The following ANKRD62 variants were observed in gnomAD, a reference collection of about 807,000 sequenced individuals.
The protein encoded by ANKRD62 is ankyrin repeat domain-containing protein 62.
A neutral mutation model predicts 98.8 loss-of-function variants in ANKRD62; 61 were observed. That is an observed-to-expected ratio of 0.62 (90% CI 0.50 to 0.76). The LOEUF (loss-of-function observed/expected upper bound fraction) is 0.76, where lower values mean the gene tolerates loss of function less well. Among genes scored for constraint, ANKRD62 ranks in the 30% least tolerant of loss-of-function variants. The pLI is 0.00. For missense variants in ANKRD62, 933 were observed against 1,082.9 expected (o/e 0.86, Z 1.94); for synonymous variants, 341 against 367.9 (o/e 0.93, Z 0.84).
At position 12,095,512 on chromosome 18, in the gene ANKRD62, T is replaced by C; in HGVS notation, c.409T>C (p.Tyr137His). 1.9e-6 allele frequency: 3 copies of C among 1,569,614 alleles called. No homozygotes were observed. The highest frequency in any genetic ancestry group is 2.6e-6 in the Non-Finnish European group (3 of 1,163,652). Residue 137 changes from tyrosine (Y) to histidine (H), a missense_variant, in exon 3 of 14, where the codon TAT becomes CAT. Around this residue, in one of 3 missense-constraint regions of ANKRD62, gnomAD observed 549 missense variants for 587.9 expected, o/e 0.93. Coordinates refer to ENST00000587848, the MANE Select transcript of ANKRD62 (RefSeq NM_001277333.2). ...HGANPNVRDMYGNTALHYAID... is the reference protein window; with the variant it reads ...HGANPNVRDMHGNTALHYAID... ...CGCCAACCCAAATGTTAGAGATATGTATGGCAACACTGCTCTGCACTATGC... is the reference window on the plus strand; with the variant it reads ...CGCCAACCCAAATGTTAGAGATATGCATGGCAACACTGCTCTGCACTATGC...
At chr18:12,108,110 C>T (rs1909455491) in intron 8 of ANKRD62, among the ~76,000 whole-genome samples, 1 of 152,116 alleles carries the variant, frequency 6.6e-6, no homozygotes, top group South Asian at 2.1e-4. Context: ...CTATGCAACC[C>T]TCTTATAAAA....
intron 11 of ANKRD62, 121 bp from the exon 12 acceptor site, chr18:12,124,016 A>C: frequency 5.7e-6 from 3 of 524,588 alleles, no homozygotes; most frequent in Non-Finnish European, 9.5e-6. Context: ...CGAAGTGAGA[A>C]ATTAACATGC....
chr18:12,168,347 A>G, the ANKRD62 span, among the ~76,000 whole-genome samples: 1 of 152,056 alleles, frequency 6.6e-6, no homozygotes, highest in African/African-American at 2.4e-5. Context: ...TCAGCTTTCT[A>G]CATATGGCTA....
rs184235780 is a variant in ANKRD62, at chr18:12,100,150, C to A, written c.820+468C>A. 6.9e-3 allele frequency among the ~76,000 whole-genome samples: 1,044 copies of A among 152,146 alleles called. 4 individuals are homozygous for A. Among genetic ancestry groups the A allele is most frequent in the South Asian group, 0.017 (82 of 4,828 alleles). ...TGAAATCTGTATATAACTCTGGACT[C>A]CCCCCTAAAACTTAACTACTCATGA... On this transcript the variant is annotated intron_variant, in intron 6 of 13. Coordinates refer to ENST00000587848, the MANE Select transcript of ANKRD62 (RefSeq NM_001277333.2).
chr18:12,110,112 G>C (rs75313378), intron 8 of ANKRD62, among the ~76,000 whole-genome samples: 31,639 of 152,138 alleles, frequency 0.21, 4,246 homozygotes, highest in East Asian at 0.54. Context: ...CCTTTGAAAA[G>C]TATGCACCAC....
the ANKRD62 span, among the ~76,000 whole-genome samples, chr18:12,172,960 C>T: frequency 2.3e-3 from 346 of 152,280 alleles, 1 homozygote; most frequent in African/African-American, 7.7e-3. Flanking sequence ...ATAGGAAAAG[C>T]GCAGTATTAG....
intron 2 of ANKRD62, 56 bp from the exon 3 acceptor site, chr18:12,095,381 A>T: frequency 6.5e-7 from 1 of 1,537,698 alleles, no homozygotes; most frequent in Non-Finnish European, 8.7e-7. Flanking sequence ...TAGTTGGTGA[A>T]TCCTGTGGAA....
chr18:12,168,048 G>T, the ANKRD62 span, among the ~76,000 whole-genome samples: 78 of 152,208 alleles, frequency 5.1e-4, no homozygotes, highest in Non-Finnish European at 8.7e-4. Context: ...TTTGTCCAAT[G>T]GGTAGATTGC....
chr18:12,095,547 T>C lies in ANKRD62; in HGVS notation c.444T>C (p.Asn148=). 8 of 1,549,956 alleles carry C rather than the reference T, an allele frequency of 5.2e-6. No individual in the cohort carries two copies. Among genetic ancestry groups the C allele is most frequent in the Non-Finnish European group, 6.9e-6 (8 of 1,153,638 alleles). The change falls in exon 3 of 14, where the codon AAT becomes AAC. Residue 148 remains asparagine, a synonymous_variant. Coordinates refer to ENST00000587848, the MANE Select transcript of ANKRD62 (RefSeq NM_001277333.2). ...CTGCTCTGCACTATGCCATTGATAA[T>C]GAGAATATATCAATGGCAAGAAAAC... The part of the protein sequence containing the change: ...GNTALHYAID[N]ENISMARKLL...
chr18:12,107,297 TGAA>T lies in ANKRD62; in HGVS notation c.898_900del (p.Glu300del). 6.7e-7 allele frequency: 1 copy of T among 1,486,686 alleles called. No homozygotes were observed. The highest frequency in any genetic ancestry group is 8.9e-7 in the Non-Finnish European group (1 of 1,125,818). The allele number at this position is 1,486,686 out of a possible 1,614,324, so 92.1% of individuals were successfully genotyped here. ...TCAGTATGAAACTTTCATTGAAGGTTGAAGAAAAAATGAAGAAATGCAGAAATA... is the reference window on the plus strand; with the variant it reads ...TCAGTATGAAACTTTCATTGAAGGTTGAAAAAATGAAGAAATGCAGAAATA... On this transcript the variant is annotated inframe_deletion, in exon 8 of 14. Transcript: ENST00000587848.
chr18:12,114,698 C>T (rs896197773), intron 8 of ANKRD62, among the ~76,000 whole-genome samples: 4 of 152,114 alleles, frequency 2.6e-5, no homozygotes, highest in African/African-American at 7.2e-5. Flanking sequence ...GATTCTGTTA[C>T]ACAAGTAATA....
downstream of ANKRD62, among the ~76,000 whole-genome samples, chr18:12,130,390 C>T (rs1349184905): frequency 6.6e-6 from 1 of 151,934 alleles, no homozygotes; most frequent in Non-Finnish European, 1.5e-5. Context: ...AATGAAAAAG[C>T]GAGCGGACAA....
At chr18:12,113,793 G>T (rs1352056131) in intron 8 of ANKRD62, among the ~76,000 whole-genome samples, 1 of 152,158 alleles carries the variant, frequency 6.6e-6, no homozygotes, top group African/African-American at 2.4e-5. Context: ...TTATTACTGG[G>T]TATATACCCA....
intron 6 of ANKRD62, among the ~76,000 whole-genome samples, chr18:12,101,501 G>T (rs1434142568): frequency 6.6e-6 from 1 of 152,160 alleles, no homozygotes; most frequent in Non-Finnish European, 1.5e-5. Flanking sequence ...AATTTCCCCA[G>T]TATATGTAAC....
chr18:12,153,993 T>C, the ANKRD62 span, among the ~76,000 whole-genome samples: 10 of 152,110 alleles, frequency 6.6e-5, no homozygotes, highest in Non-Finnish European at 4.4e-5. Context: ...AACCAAAAAC[T>C]ATAAAAATCC....
chr18:12,160,185 A>G, the ANKRD62 span, among the ~76,000 whole-genome samples: 1 of 152,178 alleles, frequency 6.6e-6, no homozygotes, highest in Non-Finnish European at 1.5e-5. Flanking sequence ...GGGCTGCTCA[A>G]TGTCACACAT....
chr18:12,125,320 C>CT (rs1015962251), intron 12 of ANKRD62, 140 bp from the exon 13 acceptor site: 1,068 of 792,172 alleles, frequency 1.3e-3, no homozygotes, highest in South Asian at 2.4e-3. Context: ...TTTGATTCAA[C>CT]TTTTTTTTTC....
chr18:12,141,181 C>T, the ANKRD62 span, among the ~76,000 whole-genome samples: 1 of 152,220 alleles, frequency 6.6e-6, no homozygotes, highest in Non-Finnish European at 1.5e-5. Flanking sequence ...TCCTGGTGTG[C>T]CGTTTGTTAA....
chr18:12,159,429 C>G, the ANKRD62 span, among the ~76,000 whole-genome samples: 1 of 152,100 alleles, frequency 6.6e-6, no homozygotes, highest in East Asian at 1.9e-4. Flanking sequence ...ACAGTTTCTC[C>G]CTCTCCCCAA....
Sources: allele counts gnomAD v4.1 joint callset (sites outside exome capture counted in the v4.1 genomes callset), GRCh38; gene constraint gnomAD v4.1.1; regional missense constraint gnomAD v4.1.1; transcripts MANE v1.5; gene names NCBI Gene and HGNC (gene_info 2026-07-23, HGNC 2026-07-21).